AFF4: variants seen among roughly 807,000 people sequenced by gnomAD.
AFF4 encodes ALF transcription elongation factor 4, also known as AF4/FMR2 family member 4.
In AFF4, 13 loss-of-function variants were observed where a neutral mutation model predicts 124.8. The observed-to-expected ratio is 0.10, with a 90% confidence interval of 0.07 to 0.17. The LOEUF (loss-of-function observed/expected upper bound fraction) is 0.17, where lower values mean the gene tolerates loss of function less well. Ranked by LOEUF, AFF4 falls within the 10% of genes least tolerant of loss-of-function variation. AFF4 has a pLI of 1.00. For missense variants in AFF4, 1,092 were observed against 1,403.8 expected, an observed-to-expected ratio of 0.78 and a Z score of 3.55; for synonymous variants, 477 against 496.1, an observed-to-expected ratio of 0.96 and a Z score of 0.51.
intron 1 of AFF4, among the ~76,000 whole-genome samples, chr5:132,939,783 G>GT (rs1474030755): frequency 6.6e-6 from 1 of 152,018 alleles, no homozygotes; most frequent in Non-Finnish European, 1.5e-5. Flanking sequence ...GCTAATTTTT[G>GT]TATTTTTAGT....
chr5:132,899,559 T>G, intron 8 of AFF4, 28 bp downstream of exon 8: 1 of 1,584,220 alleles, frequency 6.3e-7, no homozygotes, highest in African/African-American at 1.3e-5. Context: ...TATATGAGAC[T>G]GGCAAAATAA....
intron 1 of AFF4, among the ~76,000 whole-genome samples, chr5:132,956,546 CACTTG>C (rs2150114086): frequency 6.7e-6 from 1 of 149,862 alleles, no homozygotes; most frequent in East Asian, 2.0e-4. Context: ...CAGGGAGAAT[CACTTG>C]AACCTGGGAG....
Position 132,880,631 on chromosome 5 carries a change from C to A in AFF4, c.*428G>T. 3.0e-6 allele frequency: 1 copy of A among 337,724 alleles called. No individual in the cohort carries two copies. Among genetic ancestry groups the A allele is most frequent in the Non-Finnish European group, 5.3e-6 (1 of 188,484 alleles). The allele number at this position is 337,724 out of a possible 1,614,324, so 20.9% of individuals were successfully genotyped here. A position where few individuals can be genotyped will look rare whatever the true frequency, so the allele number is the denominator to read the frequency against. Reference sequence around the variant, plus strand: ...AAAAGATATTAGGTAATAAAGCTCCCAAGGTATATAAATAAAAATGTCTAC... The same window carrying A: ...AAAAGATATTAGGTAATAAAGCTCCAAAGGTATATAAATAAAAATGTCTAC... On this transcript the variant is annotated 3_prime_UTR_variant, in exon 21 of 21. Transcript: ENST00000265343.
intron 9 of AFF4, 144 bp downstream of exon 9, chr5:132,898,960 G>A (rs1760480164): frequency 2.7e-6 from 2 of 731,620 alleles, no homozygotes; most frequent in East Asian, 2.7e-5. Context: ...CACTTTAAGT[G>A]TATAATTCAA....
chr5:132,923,047 G>A (rs541205475), intron 5 of AFF4, among the ~76,000 whole-genome samples: 16 of 151,902 alleles, frequency 1.1e-4, no homozygotes, highest in East Asian at 5.8e-4. Flanking sequence ...GTGGTGGTGC[G>A]TACCTGTAGT....
chr5:132,962,263 TTA>T (rs1762096580), intron 1 of AFF4, among the ~76,000 whole-genome samples: 1 of 152,200 alleles, frequency 6.6e-6, no homozygotes, highest in South Asian at 2.1e-4. Context: ...AGCACACATT[TTA>T]TGTTACATTT....
At chr5:132,946,598 A>T (rs1423801385) in intron 1 of AFF4, among the ~76,000 whole-genome samples, 1 of 152,192 alleles carries the variant, frequency 6.6e-6, no homozygotes, top group East Asian at 1.9e-4. Context: ...ATATTGTATG[A>T]TTCTACTTAA....
chr5:132,903,618 G>A (rs1160614244), intron 6 of AFF4, among the ~76,000 whole-genome samples: 1 of 152,134 alleles, frequency 6.6e-6, no homozygotes, highest in Admixed American at 6.5e-5. Context: ...AAGGGTAAAG[G>A]TGAGGGTATA....
Position 132,880,280 on chromosome 5 carries a change from G to T in AFF4, c.*779C>A. ...CCTTCAACATGAAATGCTTCTTCTAGAAAGTTTGTCCTCCCTCTTTTGTAA... is the reference window on the plus strand; with the variant it reads ...CCTTCAACATGAAATGCTTCTTCTATAAAGTTTGTCCTCCCTCTTTTGTAA... On this transcript the variant is annotated 3_prime_UTR_variant, in exon 21 of 21. Coordinates refer to ENST00000265343, the MANE Select transcript of AFF4 (RefSeq NM_014423.4). 1 of 398,920 alleles carries T rather than the reference G, an allele frequency of 2.5e-6. No individual in the cohort carries two copies. Among genetic ancestry groups the T allele is most frequent in the Non-Finnish European group, 4.4e-6 (1 of 226,006 alleles). 24.7% of individuals were successfully genotyped at this position (398,920 alleles called of 1,614,324 possible).
chr5:132,917,081 A>T (rs1175537698), intron 5 of AFF4, among the ~76,000 whole-genome samples: 1 of 148,930 alleles, frequency 6.7e-6, no homozygotes, highest in Admixed American at 6.7e-5. Flanking sequence ...CCACGCGCCC[A>T]GCTAATTTTG....
chr5:132,954,530 T>C (rs920994443), intron 1 of AFF4, among the ~76,000 whole-genome samples: 1 of 149,854 alleles, frequency 6.7e-6, no homozygotes, highest in Non-Finnish European at 1.5e-5. Context: ...AGAGGGTGTG[T>C]GTTACAAACA....
intron 16 of AFF4, 24 bp downstream of exon 16, chr5:132,887,822 G>A (rs1405555663): frequency 1.2e-6 from 2 of 1,610,698 alleles, no homozygotes; most frequent in African/African-American, 1.3e-5. Context: ...TATTGCCAAT[G>A]ATCTGCCAAG....
At position 132,880,500 on chromosome 5, in the gene AFF4, A is replaced by G; in HGVS notation, c.*559T>C. On this transcript the variant is annotated 3_prime_UTR_variant, in exon 21 of 21. Coordinates refer to ENST00000265343, the MANE Select transcript of AFF4 (RefSeq NM_014423.4). Reference sequence around the variant, plus strand: ...AATACTAACTGTAAATTCCACAATAATAAAATTGGAGTTAAGATTTCAAAT... The same window carrying G: ...AATACTAACTGTAAATTCCACAATAGTAAAATTGGAGTTAAGATTTCAAAT... The G allele has an allele frequency of 2.5e-6, 1 of 396,566 alleles. No homozygotes were observed. The highest frequency in any genetic ancestry group is 4.4e-6 in the Non-Finnish European group (1 of 225,002). The allele number at this position is 396,566 out of a possible 1,614,324, so 24.6% of individuals were successfully genotyped here. A position where few individuals can be genotyped will look rare whatever the true frequency, so the allele number is the denominator to read the frequency against.
At chr5:132,908,065 T>C (rs1477715613) in intron 5 of AFF4, among the ~76,000 whole-genome samples, 1 of 152,018 alleles carries the variant, frequency 6.6e-6, no homozygotes, top group Non-Finnish European at 1.5e-5. Context: ...ATGAGGTTAC[T>C]GGAGTAGTAC....
chr5:132,888,395 A>C (rs1250491032), intron 14 of AFF4, among the ~76,000 whole-genome samples: 2 of 152,166 alleles, frequency 1.3e-5, no homozygotes, highest in Non-Finnish European at 2.9e-5. Flanking sequence ...CCCTAGTATC[A>C]AATACTAAGT....
intron 5 of AFF4, among the ~76,000 whole-genome samples, chr5:132,909,151 G>A (rs1331742437): frequency 1.5e-5 from 2 of 135,572 alleles, no homozygotes; most frequent in East Asian, 4.5e-4. Flanking sequence ...TTGAGATGGA[G>A]TTTCACACTC....
At chr5:132,915,842 C>G (rs149408861) in intron 5 of AFF4, among the ~76,000 whole-genome samples, 2 of 151,912 alleles carry the variant, frequency 1.3e-5, no homozygotes, top group African/African-American at 2.4e-5. Flanking sequence ...TGAGCCACTA[C>G]GCCCGGCTGA....
chr5:132,897,318 A>ATTC (rs1760433482), intron 10 of AFF4, 78 bp from the exon 11 acceptor site: 1 of 1,484,800 alleles, frequency 6.7e-7, no homozygotes, highest in East Asian at 2.3e-5. Context: ...AACCTCAAAG[A>ATTC]AGAGGAAAAA....
intron 4 of AFF4, among the ~76,000 whole-genome samples, chr5:132,929,091 T>G (rs796604815): frequency 8.5e-5 from 13 of 152,242 alleles, no homozygotes; most frequent in African/African-American, 3.1e-4. Context: ...AATTTTTTTT[T>G]AAGTTCATGA....
Sources: gnomAD v4.1 joint callset for allele counts (sites outside exome capture counted in the v4.1 genomes callset) on GRCh38, gnomAD v4.1.1 for gene constraint, MANE v1.5 for transcripts, NCBI Gene and HGNC (gene_info 2026-07-23, HGNC 2026-07-21) for gene names.